Variants in CEP112 observed in about 807,000 individuals in gnomAD.
The protein encoded by CEP112 is centrosomal protein 112.
CEP112 carries 127 observed loss-of-function variants against 153.0 expected under a neutral mutation model. The ratio of observed to expected loss-of-function variants is 0.83; its 90% CI spans 0.72 to 0.96. The LOEUF (loss-of-function observed/expected upper bound fraction) is 0.96. Among genes scored for constraint, CEP112 ranks in the 40% least tolerant of loss-of-function variants. The pLI is 0.00. For missense variants in CEP112, 1,089 were observed against 1,101.2 expected, an observed-to-expected ratio of 0.99 and a Z score of 0.16; for synonymous variants, 358 against 374.4, an observed-to-expected ratio of 0.96 and a Z score of 0.51.
chr17:66,083,093 C>CA (rs1265790908), intron 8 of CEP112, among the ~76,000 whole-genome samples: 1 of 152,138 alleles, frequency 6.6e-6, no homozygotes, highest in Non-Finnish European at 1.5e-5. Context: ...GCTGTGTCCT[C>CA]ACCCAAATAT....
chr17:65,816,076 A>T (rs965038325), intron 21 of CEP112, among the ~76,000 whole-genome samples: 1 of 152,060 alleles, frequency 6.6e-6, no homozygotes, highest in African/African-American at 2.4e-5. Flanking sequence ...GGAAAAAATA[A>T]TATGGTCTGT....
chr17:65,934,287 A>G (rs2144313170), intron 18 of CEP112, among the ~76,000 whole-genome samples: 1 of 152,372 alleles, frequency 6.6e-6, no homozygotes, highest in African/African-American at 2.4e-5. Flanking sequence ...CAGTTTTTAT[A>G]TGCAATAAAG....
chr17:66,116,784 C>T (rs1178653613), intron 6 of CEP112, among the ~76,000 whole-genome samples: 1 of 151,772 alleles, frequency 6.6e-6, no homozygotes, highest in African/African-American at 2.4e-5. Flanking sequence ...TGTTCTGGAA[C>T]CATACTTTTT....
intron 6 of CEP112, among the ~76,000 whole-genome samples, chr17:66,129,542 G>C (rs1399565067): frequency 6.6e-6 from 1 of 151,988 alleles, no homozygotes; most frequent in Non-Finnish European, 1.5e-5. Flanking sequence ...ACATAACAAA[G>C]TTAGCTTGTT....
chr17:65,714,230 G>T (rs1304186616), intron 23 of CEP112, among the ~76,000 whole-genome samples: 5 of 152,110 alleles, frequency 3.3e-5, no homozygotes, highest in Admixed American at 6.5e-5. Context: ...GTGTATATGT[G>T]TATATATCTC....
At chr17:65,766,976 A>G (rs1406593164) in intron 21 of CEP112, among the ~76,000 whole-genome samples, 2 of 151,126 alleles carry the variant, frequency 1.3e-5, no homozygotes, top group Non-Finnish European at 2.9e-5. Flanking sequence ...TCCCCCATCA[A>G]CAACAGACCG....
chr17:65,810,761 T>C (rs543535764), intron 21 of CEP112, among the ~76,000 whole-genome samples: 1 of 152,010 alleles, frequency 6.6e-6, no homozygotes, highest in Admixed American at 6.6e-5. Flanking sequence ...ATAAGAGAAA[T>C]GGTGGATAAT....
intron 16 of CEP112, among the ~76,000 whole-genome samples, chr17:66,018,817 C>T (rs969442548): frequency 7.9e-5 from 12 of 152,142 alleles, no homozygotes; most frequent in Non-Finnish European, 1.3e-4. Flanking sequence ...TATTTCAATT[C>T]AGTACATTTT....
Position 66,026,206 on chromosome 17 carries a change from A to G in CEP112, c.1656+1295T>C, listed in dbSNP as rs550277766. Among the ~76,000 whole-genome samples, 5 of 152,258 alleles carry G rather than the reference A, an allele frequency of 3.3e-5. No individual in the cohort carries two copies. In the East Asian group the frequency reaches 9.7e-4, roughly 29 times the overall value. ...ACATTATTTGGGTAATGGTTACACT[A>G]AAAGCCCAGACTTCATGATTATGTA... On this transcript the variant is annotated intron_variant, in intron 16 of 26. Coordinates refer to ENST00000535342, the MANE Select transcript of CEP112 (RefSeq NM_001199165.4).
At chr17:65,889,119 G>A in intron 20 of CEP112, among the ~76,000 whole-genome samples, 1 of 152,052 alleles carries the variant, frequency 6.6e-6, no homozygotes, top group East Asian at 1.9e-4. Flanking sequence ...GGACTGGTTG[G>A]GTGTTGTATT....
chr17:66,156,860 A>G (rs1421793678), intron 4 of CEP112, among the ~76,000 whole-genome samples: 3 of 152,204 alleles, frequency 2.0e-5, no homozygotes, highest in African/African-American at 7.2e-5. Flanking sequence ...CAAAGTCTCC[A>G]AGAAATATGG....
intron 17 of CEP112, among the ~76,000 whole-genome samples, chr17:65,990,234 C>T (rs73338702): frequency 0.065 from 9,846 of 152,102 alleles, 456 homozygotes; most frequent in South Asian, 0.12. Context: ...TAGGGCAGAG[C>T]AAGATGGCTA....
intron 24 of CEP112, among the ~76,000 whole-genome samples, chr17:65,656,929 A>C (rs2046091706): frequency 6.6e-6 from 1 of 152,232 alleles, no homozygotes; most frequent in Non-Finnish European, 1.5e-5. Flanking sequence ...CTCATCACAC[A>C]TGCTCTCCCT....
chr17:65,718,828 C>T (rs992028844), intron 23 of CEP112, among the ~76,000 whole-genome samples: 2 of 152,146 alleles, frequency 1.3e-5, no homozygotes, highest in Non-Finnish European at 2.9e-5. Flanking sequence ...GGGGTTAAGC[C>T]TGTAAGTGTG....
intron 18 of CEP112, among the ~76,000 whole-genome samples, chr17:65,943,497 G>T (rs1350496537): frequency 6.6e-6 from 1 of 152,128 alleles, no homozygotes; most frequent in Non-Finnish European, 1.5e-5. Flanking sequence ...AGAAATTCTG[G>T]GTTGGAAATT....
intron 8 of CEP112, among the ~76,000 whole-genome samples, chr17:66,071,209 A>G (rs553933197): frequency 6.6e-6 from 1 of 152,188 alleles, no homozygotes; most frequent in African/African-American, 2.4e-5. Context: ...CACAAACAAA[A>G]GTTAACATAA....
chr17:66,180,021 T>C lies in CEP112; in HGVS notation c.107-3001A>G, dbSNP rs572155262. ...TTGCATCTGTTGAACCATCCTTGCA[T>C]CCCTGGGATAAATCCTAGTTGGTCA... On this transcript the variant is annotated intron_variant, in intron 2 of 26. Transcript: ENST00000535342. 1.8e-4 allele frequency among the ~76,000 whole-genome samples: 27 copies of C among 152,328 alleles called. No individual in the cohort carries two copies. The South Asian group carries it at 5.4e-3, about 30-fold the overall frequency.
At position 65,881,359 on chromosome 17, in the gene CEP112, G is replaced by A. The variant is rs575599568; in HGVS notation, c.2163+20793C>T. On this transcript the variant is annotated intron_variant, in intron 20 of 26. Transcript: ENST00000535342. The stretch of plus-strand genomic sequence containing the variant: ...CATCATTTTTATGAGAACAGGCACA[G>A]CCAAGTTTTACACATTAACTTCAGA... Among the ~76,000 whole-genome samples, 4 of 152,102 alleles carry A rather than the reference G, an allele frequency of 2.6e-5. No homozygotes were observed. In the South Asian group the frequency reaches 8.3e-4, roughly 32 times the overall value.
intron 4 of CEP112, among the ~76,000 whole-genome samples, chr17:66,146,560 G>A (rs556632195): frequency 6.6e-5 from 10 of 151,976 alleles, no homozygotes; most frequent in African/African-American, 2.2e-4. Flanking sequence ...TTAAGCATAC[G>A]GTTCAGTGGT....
Sources: gnomAD v4.1 joint callset for allele counts (sites outside exome capture counted in the v4.1 genomes callset) on GRCh38, gnomAD v4.1.1 for gene constraint, MANE v1.5 for transcripts, NCBI Gene and HGNC (gene_info 2026-07-23, HGNC 2026-07-21) for gene names.